Variants in PKHD1L1 observed in about 807,000 individuals in gnomAD.
The protein encoded by PKHD1L1 is fibrocystin-L.
A neutral mutation model predicts 462.9 loss-of-function variants in PKHD1L1; 434 were observed. The ratio of observed to expected loss-of-function variants is 0.94; its 90% CI spans 0.87 to 1.02. The LOEUF is 1.02. Among genes scored for constraint, PKHD1L1 ranks in the 50% least tolerant of loss-of-function variants. PKHD1L1 has a pLI of 0.00. For missense variants in PKHD1L1, 5,202 were observed against 5,096.1 expected (o/e 1.02, Z -0.63); for synonymous variants, 1,781 against 1,750.0 (o/e 1.02, Z -0.44).
chr8:109,388,670 T>A, intron 7 of PKHD1L1, 120 bp downstream of exon 7: 1 of 723,684 alleles, frequency 1.4e-6, no homozygotes, highest in Non-Finnish European at 2.3e-6. Context: ...GTATAAATTA[T>A]AATATTCCAC....
At chr8:109,389,392 C>T (rs1812600045) in intron 8 of PKHD1L1, among the ~76,000 whole-genome samples, 1 of 151,966 alleles carries the variant, frequency 6.6e-6, no homozygotes, top group Admixed American at 6.6e-5. Flanking sequence ...CTTCTTCTTT[C>T]TCCCTACAGC....
intron 2 of PKHD1L1, among the ~76,000 whole-genome samples, chr8:109,377,240 CT>C: frequency 1.4e-5 from 2 of 146,664 alleles, no homozygotes; most frequent in South Asian, 4.6e-4. Context: ...AAATACTTAT[CT>C]TTTTATAATG....
intron 73 of PKHD1L1, among the ~76,000 whole-genome samples, chr8:109,520,088 C>T (rs936779839): frequency 6.6e-6 from 1 of 152,086 alleles, no homozygotes; most frequent in South Asian, 2.1e-4. Flanking sequence ...TGTGGGAAGG[C>T]TTGCCTGTGT....
At chr8:109,479,700 G>A (rs775847348) in intron 54 of PKHD1L1, 61 bp downstream of exon 54, 2 of 1,166,080 alleles carry the variant, frequency 1.7e-6, no homozygotes, top group South Asian at 3.0e-5. Context: ...CACTATGGCA[G>A]GGTAGATGTC....
intron 49 of PKHD1L1, among the ~76,000 whole-genome samples, chr8:109,466,364 T>C (rs187497981): frequency 7.2e-5 from 11 of 152,230 alleles, no homozygotes; most frequent in African/African-American, 2.4e-4. Context: ...ACCCTGTGTT[T>C]CAGCTAAATC....
Position 109,523,214 on chromosome 8 carries a change from AC to A in PKHD1L1, c.12331-18del. 2.2e-6 allele frequency: 3 copies of A among 1,349,868 alleles called. No homozygotes were observed. Among genetic ancestry groups the A allele is most frequent in the Non-Finnish European group, 3.1e-6 (3 of 978,590 alleles). 83.6% of individuals were successfully genotyped at this position (1,349,868 alleles called of 1,614,324 possible). A position where few individuals can be genotyped will look rare whatever the true frequency, so the allele number is the denominator to read the frequency against. ...AACAGGACAATTGTTATAATTATCTACTTTTTTTTTTTTTTTAGGGTAACTG... is the reference window on the plus strand; with the variant it reads ...AACAGGACAATTGTTATAATTATCTATTTTTTTTTTTTTTTAGGGTAACTG... On this transcript the variant is annotated intron_variant, in intron 75 of 77. Coordinates refer to ENST00000378402, the MANE Select transcript of PKHD1L1 (RefSeq NM_177531.6).
At chr8:109,452,634 T>C in intron 42 of PKHD1L1, 84 bp from the exon 43 acceptor site, 1 of 734,754 alleles carries the variant, frequency 1.4e-6, no homozygotes, top group Non-Finnish European at 1.9e-6. Flanking sequence ...TATATTTATA[T>C]TGTAATAAAA....
At chr8:109,369,621 G>GAA (rs1233921074) in intron 2 of PKHD1L1, among the ~76,000 whole-genome samples, 1 of 128,782 alleles carries the variant, frequency 7.8e-6, no homozygotes, top group Non-Finnish European at 1.7e-5. Flanking sequence ...TACCTGATAG[G>GAA]AAAATATATA....
In PKHD1L1 at chr8:109,457,263, C is replaced by T. The variant is rs139409982; in HGVS notation, c.7004+872C>T. 5.3e-5 allele frequency among the ~76,000 whole-genome samples: 8 copies of T among 152,126 alleles called. No individual in the cohort carries two copies. The East Asian group carries it at 1.5e-3, about 29-fold the overall frequency. Reference sequence around the variant, plus strand: ...ATATTCCATGTTAAAAATAGACTTGCAGTTATTAGGAAGAATTAAATATAT... The same window carrying T: ...ATATTCCATGTTAAAAATAGACTTGTAGTTATTAGGAAGAATTAAATATAT... On this transcript the variant is annotated intron_variant, in intron 46 of 77. Coordinates refer to ENST00000378402, the MANE Select transcript of PKHD1L1 (RefSeq NM_177531.6).
At chr8:109,411,307 A>C (rs1342305342) in intron 19 of PKHD1L1, among the ~76,000 whole-genome samples, 1 of 152,162 alleles carries the variant, frequency 6.6e-6, no homozygotes, top group South Asian at 2.1e-4. Context: ...GCTATTTCCA[A>C]GTGAAAAACT....
At position 109,490,104 on chromosome 8, in the gene PKHD1L1, T is replaced by C. The variant is rs1323647489; in HGVS notation, c.9984+49T>C. 3.4e-6 allele frequency: 4 copies of C among 1,172,572 alleles called. No individual in the cohort carries two copies. The African/African-American group carries it at 6.3e-5, about 18-fold the overall frequency. 72.6% of individuals were successfully genotyped at this position (1,172,572 alleles called of 1,614,324 possible). On this transcript the variant is annotated intron_variant, in intron 60 of 77. Transcript: ENST00000378402. ...GTGTATATTAAAAATATGCAAAATA[T>C]TTTTATTTTCATTTGACTTCTAAAT...
intron 12 of PKHD1L1, among the ~76,000 whole-genome samples, chr8:109,399,534 A>G (rs923488839): frequency 1.3e-5 from 2 of 152,146 alleles, no homozygotes; most frequent in African/African-American, 4.8e-5. Flanking sequence ...TCTGTCCAAG[A>G]AGGAGAAGAA....
chr8:109,425,015 T>G, intron 23 of PKHD1L1, 70 bp from the exon 24 acceptor site: 1 of 1,273,568 alleles, frequency 7.9e-7, no homozygotes, highest in Non-Finnish European at 1.1e-6. Flanking sequence ...GATTGTACCA[T>G]GATGAAATAG....
intron 47 of PKHD1L1, among the ~76,000 whole-genome samples, chr8:109,461,134 C>T (rs754002876): frequency 6.6e-6 from 1 of 152,148 alleles, no homozygotes; most frequent in Non-Finnish European, 1.5e-5. Flanking sequence ...TTACATGTCT[C>T]TTTTAAATTT....
intron 23 of PKHD1L1, among the ~76,000 whole-genome samples, chr8:109,423,938 A>G (rs1353742473): frequency 6.6e-6 from 1 of 152,080 alleles, no homozygotes. Flanking sequence ...TTTAAATTCG[A>G]TTTCCACATG....
At chr8:109,379,961 A>G (rs1295316535) in intron 2 of PKHD1L1, among the ~76,000 whole-genome samples, 2 of 152,168 alleles carry the variant, frequency 1.3e-5, no homozygotes, top group Non-Finnish European at 2.9e-5. Flanking sequence ...GTGATTACTG[A>G]GAACAGGCAA....
At chr8:109,416,069 T>C (rs2130623939) in intron 21 of PKHD1L1, among the ~76,000 whole-genome samples, 1 of 152,178 alleles carries the variant, frequency 6.6e-6, no homozygotes, top group African/African-American at 2.4e-5. Context: ...TAAATACAGG[T>C]GTCAGTATCT....
chr8:109,435,416 G>A (rs1156927509), intron 29 of PKHD1L1, 62 bp downstream of exon 29: 2 of 1,542,020 alleles, frequency 1.3e-6, no homozygotes, highest in Non-Finnish European at 1.8e-6. Flanking sequence ...TCAATGTGCT[G>A]TTTCTAGTAC....
In PKHD1L1 at chr8:109,400,117, C is replaced by T. The variant is rs1813194365; in HGVS notation, c.1054C>T (p.Pro352Ser). ...LKLEVWNNSRPIRLEEILEYN... is the reference protein window; with the variant it reads ...LKLEVWNNSRSIRLEEILEYN... The stretch of plus-strand genomic sequence containing the variant: ...GCTTGAGGTGTGGAATAATAGCCGT[C>T]CAATACGTTTGGAAGAGATACTGGA... The change falls in exon 13 of 78, where the codon CCA becomes TCA. Residue 352 changes from proline to serine, a missense_variant. Pro to Ser is a moderately conservative substitution (Grantham distance 74, BLOSUM62 -1). Coordinates refer to ENST00000378402, the MANE Select transcript of PKHD1L1 (RefSeq NM_177531.6). The T allele has an allele frequency of 1.2e-6, 2 of 1,613,516 alleles. No homozygotes were observed. The highest frequency in any genetic ancestry group is 4.5e-5 in the East Asian group (2 of 44,874).
Sources: allele counts gnomAD v4.1 joint callset (sites outside exome capture counted in the v4.1 genomes callset), GRCh38; gene constraint gnomAD v4.1.1; transcripts MANE v1.5; gene names NCBI Gene and HGNC (gene_info 2026-07-23, HGNC 2026-07-21).